AAK1: variants seen among roughly 807,000 people sequenced by gnomAD.
AAK1 encodes the protein AP2-associated protein kinase 1.
Under a neutral mutation model 116.0 loss-of-function variants are expected in AAK1, and 37 were observed. That is an observed-to-expected ratio of 0.32 (90% confidence interval 0.25 to 0.42). The LOEUF (loss-of-function observed/expected upper bound fraction) is 0.42, where lower values mean the gene tolerates loss of function less well. Among genes scored for constraint, AAK1 ranks in the 10% least tolerant of loss-of-function variants. The pLI is 1.00. For synonymous variants in AAK1, 458 were observed against 439.9 expected (o/e 1.04, Z -0.51); for missense variants, 919 against 1,170.6 (o/e 0.79, Z 3.14).
At chr2:69,480,386 C>T (rs986137906) in intron 19 of AAK1, among the ~76,000 whole-genome samples, 1 of 151,894 alleles carries the variant, frequency 6.6e-6, no homozygotes, top group Non-Finnish European at 1.5e-5. Flanking sequence ...TTCAACTTTG[C>T]CTACAATTTT....
At chr2:69,543,160 C>A (rs966857623) in intron 4 of AAK1, among the ~76,000 whole-genome samples, 1 of 152,090 alleles carries the variant, frequency 6.6e-6, no homozygotes, top group African/African-American at 2.4e-5. Context: ...AATGGTACCA[C>A]CAACAATTAA....
At position 69,473,344 on chromosome 2, in the gene AAK1, C is replaced by G. The variant is rs1050947244; in HGVS notation, c.*2525G>C. On this transcript the variant is annotated 3_prime_UTR_variant, in exon 22 of 22. Coordinates refer to ENST00000409085, the MANE Select transcript of AAK1 (RefSeq NM_014911.5). ...GGCTATGATTCCACAGGTACCAGGACACTATGCTCAACTCAAATAAACTCT... is the reference window on the plus strand; with the variant it reads ...GGCTATGATTCCACAGGTACCAGGAGACTATGCTCAACTCAAATAAACTCT... 2 of 985,390 alleles carry G rather than the reference C, an allele frequency of 2.0e-6. No individual in the cohort carries two copies. Among genetic ancestry groups the G allele is most frequent in the South Asian group, 9.4e-5 (2 of 21,288 alleles). The allele number at this position is 985,390 out of a possible 1,614,324, so 61.0% of individuals were successfully genotyped here.
chr2:69,603,851 G>A (rs114244473), intron 2 of AAK1, among the ~76,000 whole-genome samples: 3,022 of 152,284 alleles, frequency 0.02, 109 homozygotes, highest in African/African-American at 0.068. Context: ...GGAGTTGGCA[G>A]CAGGTTTTCA....
chr2:69,539,609 C>T (rs1021357263), intron 5 of AAK1, among the ~76,000 whole-genome samples: 29 of 152,174 alleles, frequency 1.9e-4, no homozygotes, highest in Non-Finnish European at 3.5e-4. Flanking sequence ...AAATTTTACT[C>T]ATTGTTAAAG....
chr2:69,576,006 G>A (rs1265413896), intron 2 of AAK1, among the ~76,000 whole-genome samples: 1 of 152,162 alleles, frequency 6.6e-6, no homozygotes, highest in Non-Finnish European at 1.5e-5. Context: ...GGGCAGTGGG[G>A]CACACCAATG....
Position 69,642,858 on chromosome 2 carries a change from C to A in AAK1, c.163+20G>T, listed in dbSNP as rs200375733. ...ATCAGCACAAGATTTTAATTTACGG[C>A]GCATTGAGCCCCACCGTACCTTCCG... On this transcript the variant is annotated intron_variant, in intron 2 of 21. Coordinates refer to ENST00000409085, the MANE Select transcript of AAK1 (RefSeq NM_014911.5). 14 of 1,613,332 alleles carry A rather than the reference C, an allele frequency of 8.7e-6. No individual in the cohort carries two copies. The highest frequency in any genetic ancestry group is 1.1e-5 in the South Asian group (1 of 91,078).
intron 11 of AAK1, among the ~76,000 whole-genome samples, chr2:69,519,597 T>C (rs1367270987): frequency 6.6e-6 from 1 of 152,234 alleles, no homozygotes; most frequent in Non-Finnish European, 1.5e-5. Flanking sequence ...GCATGCAGCA[T>C]GACAACATCA....
At chr2:69,573,700 A>T (rs1672181958) in intron 2 of AAK1, among the ~76,000 whole-genome samples, 1 of 152,212 alleles carries the variant, frequency 6.6e-6, no homozygotes, top group Non-Finnish European at 1.5e-5. Context: ...CAAAGTATGT[A>T]CAAAAATAGT....
chr2:69,601,920 G>C (rs976914335), intron 2 of AAK1, among the ~76,000 whole-genome samples: 4 of 152,168 alleles, frequency 2.6e-5, no homozygotes, highest in African/African-American at 9.7e-5. Flanking sequence ...GAGAAGCCTG[G>C]CAGATACCAG....
Position 69,468,539 on chromosome 2 carries a change from C to T in AAK1, c.*7330G>A. The T allele has an allele frequency of 1.0e-6, 1 of 985,232 alleles. No individual in the cohort carries two copies. The highest frequency in any genetic ancestry group is 1.2e-6 in the Non-Finnish European group (1 of 829,880). The allele number at this position is 985,232 out of a possible 1,614,324, so 61.0% of individuals were successfully genotyped here. On this transcript the variant is annotated 3_prime_UTR_variant, in exon 22 of 22. Coordinates refer to ENST00000409085, the MANE Select transcript of AAK1 (RefSeq NM_014911.5). The stretch of plus-strand genomic sequence containing the variant: ...TGTTCTGCAGGAGAGCAAAATATCT[C>T]TTAGGGAAAAAAAATGGAAAACTTA...
At chr2:69,524,489 C>T (rs1238218904) in intron 10 of AAK1, among the ~76,000 whole-genome samples, 1 of 151,936 alleles carries the variant, frequency 6.6e-6, no homozygotes, top group Admixed American at 6.6e-5. Flanking sequence ...GGCTAGAGTG[C>T]GGTGGCGTGA....
chr2:69,494,162 A>C (rs1675649773), intron 17 of AAK1, among the ~76,000 whole-genome samples: 1 of 152,156 alleles, frequency 6.6e-6, no homozygotes, highest in Non-Finnish European at 1.5e-5. Context: ...CTTTCCACCG[A>C]AACCCAAGAG....
At position 69,520,358 on chromosome 2, in the gene AAK1, C is replaced by CTT. The variant is rs71397334; in HGVS notation, c.1210+474_1210+475dup. On this transcript the variant is annotated intron_variant, in intron 11 of 21. Transcript: ENST00000409085. ...CAGCCATTTGCGATACAATTCTTTTCTTTTTTTTTTTTTTTTTTTGAAGCG... is the reference window on the plus strand; with the variant it reads ...CAGCCATTTGCGATACAATTCTTTTCTTTTTTTTTTTTTTTTTTTTTGAAGCG... 7.8e-3 allele frequency among the ~76,000 whole-genome samples: 990 copies of CTT among 127,394 alleles called. 21 individuals carry two copies. The highest frequency in any genetic ancestry group is 0.025 in the African/African-American group (814 of 32,852). The allele number at this position is 127,394 out of a possible 152,430, so 83.6% of individuals were successfully genotyped here.
At chr2:69,500,698 T>TATATATATGTATATATATACAC in intron 16 of AAK1, among the ~76,000 whole-genome samples, 1 of 65,100 alleles carries the variant, frequency 1.5e-5, no homozygotes, top group African/African-American at 7.9e-5. Flanking sequence ...TATATATATA[T>TATATATATGTATATATATACAC]ACACACACAC....
At chr2:69,557,033 C>CCACAGTT in intron 2 of AAK1, 55 bp from the exon 3 acceptor site, 1 of 1,407,208 alleles carries the variant, frequency 7.1e-7, no homozygotes, top group Non-Finnish European at 1.0e-6. Context: ...AAGTCAGCCA[C>CCACAGTT]ATAACTGTGG....
intron 16 of AAK1, among the ~76,000 whole-genome samples, chr2:69,504,766 C>G (rs1057188964): frequency 3.9e-4 from 59 of 152,086 alleles, no homozygotes; most frequent in African/African-American, 1.4e-3. Context: ...GACTCCATCT[C>G]AAAAAATAAA....
intron 17 of AAK1, among the ~76,000 whole-genome samples, chr2:69,495,318 A>G (rs142097579): frequency 1.6e-4 from 24 of 152,212 alleles, no homozygotes; most frequent in African/African-American, 5.8e-4. Flanking sequence ...GAACACATCA[A>G]CCACTTTCTA....
chr2:69,638,407 G>A (rs1433790034), intron 2 of AAK1, among the ~76,000 whole-genome samples: 1 of 152,030 alleles, frequency 6.6e-6, no homozygotes, highest in East Asian at 1.9e-4. Context: ...CCAGACACTC[G>A]CTGCTCCCTT....
At chr2:69,544,887 G>T (rs914702300) in intron 3 of AAK1, among the ~76,000 whole-genome samples, 1 of 152,208 alleles carries the variant, frequency 6.6e-6, no homozygotes, top group Non-Finnish European at 1.5e-5. Context: ...AAAGAGTAGA[G>T]AGACCGTGTG....
Sources: gnomAD v4.1 joint callset for allele counts (sites outside exome capture counted in the v4.1 genomes callset) on GRCh38, gnomAD v4.1.1 for gene constraint, MANE v1.5 for transcripts, NCBI Gene and HGNC (gene_info 2026-07-23, HGNC 2026-07-21) for gene names.